The following TEX2 variants were observed in gnomAD, a reference collection of about 807,000 sequenced individuals.
The protein encoded by TEX2 is testis expressed 2, also known as testis-expressed protein 2.
A neutral mutation model predicts 106.9 loss-of-function variants in TEX2; 53 were observed. The observed-to-expected ratio is 0.50, with a 90% CI of 0.40 to 0.62. The LOEUF is 0.62. Among genes scored for constraint, TEX2 ranks in the 20% least tolerant of loss-of-function variants. TEX2 has a pLI of 0.00. For synonymous variants in TEX2, 523 were observed against 534.8 expected, an observed-to-expected ratio of 0.98 and a Z score of 0.30; for missense variants, 1,207 against 1,379.0, an observed-to-expected ratio of 0.88 and a Z score of 1.98.
rs568877721 is a variant in TEX2, at chr17:64,242,761, A to T, written c.-26+20407T>A. On this transcript the variant is annotated intron_variant, in intron 1 of 11. Transcript: ENST00000584379. ...TCTCAAATTGTGTTACACATAATAC[A>T]GGCACGCAATGCCTCCTTCATAACT... Among the ~76,000 whole-genome samples, 41 of 152,312 alleles carry T rather than the reference A, an allele frequency of 2.7e-4. No individual in the cohort carries two copies. The South Asian group carries it at 8.5e-3, about 32-fold the overall frequency.
At chr17:64,229,495 T>C (rs993230276) in intron 1 of TEX2, among the ~76,000 whole-genome samples, 1 of 151,928 alleles carries the variant, frequency 6.6e-6, no homozygotes, top group Non-Finnish European at 1.5e-5. Context: ...TTTAATTGTA[T>C]GGGTTTTTTT....
intron 1 of TEX2, among the ~76,000 whole-genome samples, chr17:64,262,898 G>A (rs2034320922): frequency 6.6e-6 from 1 of 152,190 alleles, no homozygotes; most frequent in African/African-American, 2.4e-5. Context: ...CGCAGGCTGA[G>A]GGGACGGGGC....
chr17:64,147,545 A>G lies in TEX2; in HGVS notation c.*1424T>C, dbSNP rs1201473742. The G allele has an allele frequency of 6.6e-6, 1 of 152,482 alleles. No homozygotes were observed. The highest frequency in any genetic ancestry group is 2.4e-5 in the African/African-American group (1 of 41,438). The allele number at this position is 152,482 out of a possible 1,614,324, so 9.4% of individuals were successfully genotyped here. On this transcript the variant is annotated 3_prime_UTR_variant, in exon 12 of 12. Coordinates refer to ENST00000584379, the MANE Select transcript of TEX2 (RefSeq NM_001288732.2). ...GTACAGTCATGTGTAATCTCTTTAC[A>G]CGATAGTGCATCTAGTCCTTAGCCT...
At chr17:64,250,082 G>C (rs1046115934) in intron 1 of TEX2, among the ~76,000 whole-genome samples, 4 of 152,254 alleles carry the variant, frequency 2.6e-5, no homozygotes, top group Non-Finnish European at 4.4e-5. Context: ...CTCAATTCCT[G>C]AGGGCAGCTC....
chr17:64,173,568 C>G (rs757041823), intron 6 of TEX2, among the ~76,000 whole-genome samples: 2 of 152,072 alleles, frequency 1.3e-5, no homozygotes, highest in African/African-American at 2.4e-5. Flanking sequence ...ATGTCTATGA[C>G]GAACAAAACG....
chr17:64,171,777 G>A (rs1432442678), intron 6 of TEX2, among the ~76,000 whole-genome samples: 1 of 152,134 alleles, frequency 6.6e-6, no homozygotes, highest in South Asian at 2.1e-4. Flanking sequence ...TCAGGAGTTC[G>A]AGACCAGCCT....
At chr17:64,258,155 G>C (rs1050914131) in intron 1 of TEX2, among the ~76,000 whole-genome samples, 1 of 152,048 alleles carries the variant, frequency 6.6e-6, no homozygotes, top group Non-Finnish European at 1.5e-5. Context: ...CAGGCAATCT[G>C]CCCACCTCAG....
At chr17:64,236,644 A>T (rs1043207382) in intron 1 of TEX2, among the ~76,000 whole-genome samples, 1 of 152,228 alleles carries the variant, frequency 6.6e-6, no homozygotes, top group Non-Finnish European at 1.5e-5. Flanking sequence ...TGATTTTGGT[A>T]TCTATCAGGG....
At chr17:64,234,698 C>CT (rs1180802791) in intron 1 of TEX2, among the ~76,000 whole-genome samples, 1 of 152,186 alleles carries the variant, frequency 6.6e-6, no homozygotes, top group Non-Finnish European at 1.5e-5. Context: ...ACTTCATACA[C>CT]TGTCAATTTA....
At chr17:64,261,642 G>C (rs2034288921) in intron 1 of TEX2, among the ~76,000 whole-genome samples, 1 of 152,040 alleles carries the variant, frequency 6.6e-6, no homozygotes, top group African/African-American at 2.4e-5. Flanking sequence ...CCTTTTACTG[G>C]AGATAAACAT....
chr17:64,258,314 G>T (rs782138694), intron 1 of TEX2, among the ~76,000 whole-genome samples: 6 of 152,146 alleles, frequency 3.9e-5, no homozygotes, highest in Non-Finnish European at 8.8e-5. Context: ...AAAACGTGGT[G>T]TATATACGGT....
At chr17:64,179,769 TA>T (rs11413860) in intron 5 of TEX2, among the ~76,000 whole-genome samples, 314 of 149,562 alleles carry the variant, frequency 2.1e-3, no homozygotes, top group African/African-American at 3.5e-3. Context: ...GAGTCTCATT[TA>T]AAAAAAAAAA....
intron 8 of TEX2, among the ~76,000 whole-genome samples, chr17:64,156,474 T>C (rs1598117061): frequency 6.6e-6 from 1 of 152,228 alleles, no homozygotes; most frequent in Non-Finnish European, 1.5e-5. Flanking sequence ...ACCAGAGGCC[T>C]GGCTGGTCCA....
chr17:64,166,188 A>C (rs979644523), intron 7 of TEX2, among the ~76,000 whole-genome samples: 1 of 152,208 alleles, frequency 6.6e-6, no homozygotes. Flanking sequence ...ATACTAACAC[A>C]GTGGCCGGAG....
At chr17:64,234,620 T>A (rs1010763233) in intron 1 of TEX2, among the ~76,000 whole-genome samples, 4 of 152,176 alleles carry the variant, frequency 2.6e-5, no homozygotes, top group Non-Finnish European at 5.9e-5. Flanking sequence ...TCTGGATCTG[T>A]CGAATGAGGA....
chr17:64,187,816 A>C (rs2032134258), intron 5 of TEX2, among the ~76,000 whole-genome samples: 1 of 152,204 alleles, frequency 6.6e-6, no homozygotes, highest in Non-Finnish European at 1.5e-5. Context: ...GTCTGTGCCC[A>C]AAAGTCACCT....
chr17:64,169,822 G>C (rs2031308285), intron 7 of TEX2, among the ~76,000 whole-genome samples: 1 of 152,144 alleles, frequency 6.6e-6, no homozygotes, highest in South Asian at 2.1e-4. Context: ...CTCTTGAAAA[G>C]CTATAATTAG....
chr17:64,191,909 C>T (rs1216297500), intron 4 of TEX2, among the ~76,000 whole-genome samples: 2 of 151,170 alleles, frequency 1.3e-5, no homozygotes, highest in East Asian at 1.9e-4. Flanking sequence ...CCCAATATAT[C>T]TAAAATATTA....
intron 1 of TEX2, among the ~76,000 whole-genome samples, chr17:64,218,405 CTTTTTTTTTTTTTTTTTTTT>C (rs10526886): frequency 9.9e-5 from 12 of 120,634 alleles, no homozygotes; most frequent in African/African-American, 3.6e-4. Flanking sequence ...GACACTTTCA[CTTTTTTTTTTTTTTTTTTTT>C]TTTTTTTTTT....
Sources: allele counts gnomAD v4.1 joint callset (sites outside exome capture counted in the v4.1 genomes callset), GRCh38; gene constraint gnomAD v4.1.1; transcripts MANE v1.5; gene names NCBI Gene and HGNC (gene_info 2026-07-23, HGNC 2026-07-21).